The following NPR3 variants were observed in gnomAD, a reference collection of about 807,000 sequenced individuals.
NPR3 encodes the protein natriuretic peptide receptor 3.
A neutral mutation model predicts 54.5 loss-of-function variants in NPR3; 34 were observed. That is an observed-to-expected ratio of 0.62 (90% CI 0.47 to 0.83). The LOEUF (loss-of-function observed/expected upper bound fraction) is 0.83, where lower values mean the gene tolerates loss of function less well. Ranked by LOEUF, NPR3 falls within the 40% of genes least tolerant of loss-of-function variation. The pLI is 0.00. For synonymous variants in NPR3, 289 were observed against 297.1 expected, an observed-to-expected ratio of 0.97 and a Z score of 0.28; for missense variants, 674 against 720.8, an observed-to-expected ratio of 0.94 and a Z score of 0.74.
intron 1 of NPR3, among the ~76,000 whole-genome samples, chr5:32,701,801 G>T (rs1335718915): frequency 1.3e-5 from 2 of 152,148 alleles, no homozygotes; most frequent in African/African-American, 4.8e-5. Flanking sequence ...GGTGGTCTTG[G>T]ATGAGACACG....
At chr5:32,754,266 G>A (rs1051501047) in intron 3 of NPR3, among the ~76,000 whole-genome samples, 8 of 152,160 alleles carry the variant, frequency 5.3e-5, no homozygotes, top group South Asian at 2.1e-4. Context: ...ATGCCACCTC[G>A]TGTGCCAGAG....
chr5:32,716,146 C>G (rs1738533558), intron 1 of NPR3, among the ~76,000 whole-genome samples: 1 of 152,090 alleles, frequency 6.6e-6, no homozygotes, highest in African/African-American at 2.4e-5. Context: ...CAAACAATAT[C>G]CATTGCTATG....
At chr5:32,732,097 C>T (rs181451772) in intron 2 of NPR3, among the ~76,000 whole-genome samples, 56 of 151,742 alleles carry the variant, frequency 3.7e-4, no homozygotes, top group African/African-American at 1.2e-3. Flanking sequence ...GAAAATTAGC[C>T]GGGCACGGTG....
intron 3 of NPR3, among the ~76,000 whole-genome samples, chr5:32,766,391 T>C (rs897835737): frequency 6.6e-6 from 1 of 152,198 alleles, no homozygotes; most frequent in African/African-American, 2.4e-5. Flanking sequence ...TCAATAGTGG[T>C]GGAGGCAACT....
intron 2 of NPR3, among the ~76,000 whole-genome samples, chr5:32,728,535 T>G (rs1449449707): frequency 6.6e-6 from 1 of 151,640 alleles, no homozygotes; most frequent in Non-Finnish European, 1.5e-5. Flanking sequence ...TCTTATTAGC[T>G]TTATAGAATT....
chr5:32,714,128 A>C (rs757605055), intron 1 of NPR3, among the ~76,000 whole-genome samples: 20 of 151,756 alleles, frequency 1.3e-4, no homozygotes, highest in Non-Finnish European at 1.9e-4. Context: ...TCGGCTTTCG[A>C]GGGCTAGGCG....
At chr5:32,763,382 G>C (rs949862015) in intron 3 of NPR3, among the ~76,000 whole-genome samples, 2 of 152,050 alleles carry the variant, frequency 1.3e-5, no homozygotes, top group African/African-American at 4.8e-5. Context: ...GCAGTGCAGA[G>C]CTGCAGTGCA....
chr5:32,720,950 A>G lies in NPR3; in HGVS notation c.770-3748A>G, dbSNP rs115789224. ...ATTTAATTAGTTATTATATAAATTG[A>G]TGAAACATAAGCAGGAAAAGAAAGT... On this transcript the variant is annotated intron_variant, in intron 1 of 7. Coordinates refer to ENST00000265074, the MANE Select transcript of NPR3 (RefSeq NM_001204375.2). Among the ~76,000 whole-genome samples the G allele has an allele frequency of 1.3e-3, 203 of 152,324 alleles. 1 individual carries two copies. The highest frequency in any genetic ancestry group is 4.6e-3 in the African/African-American group (192 of 41,564).
chr5:32,759,122 G>A (rs1480888735), intron 3 of NPR3, among the ~76,000 whole-genome samples: 7 of 152,106 alleles, frequency 4.6e-5, no homozygotes, highest in African/African-American at 2.4e-5. Context: ...TATTAGGTCC[G>A]CTTGGTGCAG....
intron 1 of NPR3, among the ~76,000 whole-genome samples, chr5:32,693,887 C>G (rs1347388983): frequency 1.3e-5 from 2 of 152,176 alleles, no homozygotes; most frequent in Non-Finnish European, 2.9e-5. Context: ...ATACACTCCC[C>G]GCAATGCAAT....
upstream of NPR3, among the ~76,000 whole-genome samples, chr5:32,705,085 C>A (rs1243183380): frequency 7.9e-5 from 12 of 152,030 alleles, no homozygotes; most frequent in African/African-American, 2.7e-4. Context: ...ACTATCAGAG[C>A]AAAATGAATT....
At chr5:32,749,474 TCC>T (rs1173335312) in intron 3 of NPR3, among the ~76,000 whole-genome samples, 1 of 152,248 alleles carries the variant, frequency 6.6e-6, no homozygotes, top group East Asian at 1.9e-4. Context: ...TATGGAGCTT[TCC>T]AGAAGCTCTG....
At chr5:32,760,650 C>CT (rs1436119962) in intron 3 of NPR3, among the ~76,000 whole-genome samples, 2 of 143,100 alleles carry the variant, frequency 1.4e-5, no homozygotes, top group East Asian at 4.1e-4. Flanking sequence ...TTTAACTGCG[C>CT]TTTTTGATGA....
At chr5:32,701,768 C>A (rs938607232) in intron 1 of NPR3, among the ~76,000 whole-genome samples, 2 of 152,224 alleles carry the variant, frequency 1.3e-5, no homozygotes, top group Non-Finnish European at 2.9e-5. Context: ...GTGGCTTTTG[C>A]AGACTTATAT....
At chr5:32,782,872 T>C in intron 5 of NPR3, 21 bp from the exon 6 acceptor site, 1 of 1,584,890 alleles carries the variant, frequency 6.3e-7, no homozygotes, top group South Asian at 1.2e-5. Context: ...GTTTGTCTAT[T>C]TGTTTTTTGC....
intron 2 of NPR3, among the ~76,000 whole-genome samples, chr5:32,727,059 A>G (rs1340911541): frequency 6.6e-6 from 1 of 152,154 alleles, no homozygotes; most frequent in Non-Finnish European, 1.5e-5. Context: ...ATATTTATAC[A>G]TATATATTAT....
At chr5:32,776,994 G>T (rs145574716) in intron 4 of NPR3, among the ~76,000 whole-genome samples, 2 of 152,144 alleles carry the variant, frequency 1.3e-5, no homozygotes, top group Admixed American at 6.5e-5. Flanking sequence ...AATGGCAAAC[G>T]TGGAGATCCT....
At chr5:32,715,828 C>A (rs549784500) in intron 1 of NPR3, among the ~76,000 whole-genome samples, 1 of 152,236 alleles carries the variant, frequency 6.6e-6, no homozygotes, top group South Asian at 2.1e-4. Context: ...TAGTTTTATC[C>A]TTTTAGTTAT....
At chr5:32,696,290 C>A (rs1046101800) in intron 1 of NPR3, among the ~76,000 whole-genome samples, 9 of 151,976 alleles carry the variant, frequency 5.9e-5, no homozygotes, top group African/African-American at 2.2e-4. Context: ...ACCCCTTTTT[C>A]AAAAATGAGT....
Sources: allele counts gnomAD v4.1 joint callset (sites outside exome capture counted in the v4.1 genomes callset), GRCh38; gene constraint gnomAD v4.1.1; transcripts MANE v1.5; gene names NCBI Gene and HGNC (gene_info 2026-07-23, HGNC 2026-07-21).